Variants in SP100 observed in about 807,000 individuals in gnomAD.
The protein encoded by SP100 is nuclear autoantigen Sp-100.
In SP100, 84 loss-of-function variants were observed where a neutral mutation model predicts 130.0. The ratio of observed to expected loss-of-function variants is 0.65; its 90% CI spans 0.54 to 0.77. The LOEUF is 0.77. Ranked by LOEUF, SP100 falls within the 30% of genes least tolerant of loss-of-function variation. The pLI, the probability that SP100 is intolerant of heterozygous loss-of-function variation, is 0.00. For missense variants in SP100, 978 were observed against 1,052.2 expected, an observed-to-expected ratio of 0.93 and a Z score of 0.97; for synonymous variants, 331 against 351.7, an observed-to-expected ratio of 0.94 and a Z score of 0.66.
intron 24 of SP100, among the ~76,000 whole-genome samples, chr2:230,528,591 A>G (rs1340100600): frequency 6.6e-6 from 1 of 152,236 alleles, no homozygotes; most frequent in African/African-American, 2.4e-5. Flanking sequence ...GCAGAACTGA[A>G]GGAGATAGAG....
intron 9 of SP100, among the ~76,000 whole-genome samples, chr2:230,462,137 GC>G (rs1187918062): frequency 6.6e-6 from 1 of 151,996 alleles, no homozygotes; most frequent in Non-Finnish European, 1.5e-5. Flanking sequence ...AGGGGAGATG[GC>G]AGAACAAAGA....
chr2:230,425,698 T>C (rs2062908221), intron 2 of SP100, among the ~76,000 whole-genome samples: 3 of 149,960 alleles, frequency 2.0e-5, no homozygotes, highest in Admixed American at 1.3e-4. Context: ...TATGTATATC[T>C]GGAGAAATGG....
rs1270173131 is a variant in SP100 at position 230,539,396 on chromosome 2, G to A, written c.2210+14G>A. ...GGAAGCTAACAAGTGAGTAAGACAT[G>A]TCCCCTTCCCTGAGCCCTTCCTTCT... is the stretch of plus-strand genomic sequence containing the variant. On this transcript the variant is annotated intron_variant, in intron 25 of 28. Coordinates refer to ENST00000340126, the MANE Select transcript of SP100 (RefSeq NM_001080391.2). 1.3e-6 allele frequency: 2 copies of A among 1,574,070 alleles called. No homozygotes were observed. The highest frequency in any genetic ancestry group is 1.3e-5 in the African/African-American group (1 of 74,094).
At position 230,446,781 on chromosome 2, in the gene SP100, T is replaced by C. The variant is rs1216386021; in HGVS notation, c.440-38T>C. 3 of 1,290,168 alleles carry C rather than the reference T, an allele frequency of 2.3e-6. No homozygotes were observed. The Admixed American group carries it at 5.3e-5, about 23-fold the overall frequency. 79.9% of individuals were successfully genotyped at this position (1,290,168 alleles called of 1,614,324 possible). On this transcript the variant is annotated intron_variant, in intron 4 of 28. Coordinates refer to ENST00000340126, the MANE Select transcript of SP100 (RefSeq NM_001080391.2). ...TTCCAGACATTGTCCCTGGTCCCTG[T>C]AGATCTCTAATTGCTTCTTCTCTCT...
At position 230,541,281 on chromosome 2, in the gene SP100, A is replaced by C. The variant is rs1345288401; in HGVS notation, c.2332-20A>C. 1 of 1,610,028 alleles carries C rather than the reference A, an allele frequency of 6.2e-7. No individual in the cohort carries two copies. Among genetic ancestry groups the C allele is most frequent in the African/African-American group, 1.3e-5 (1 of 74,874 alleles). On this transcript the variant is annotated intron_variant, in intron 26 of 28. Coordinates refer to ENST00000340126, the MANE Select transcript of SP100 (RefSeq NM_001080391.2). The stretch of plus-strand genomic sequence containing the variant: ...CTCTCTAAATTGCATTTAATTTGAA[A>C]TGGCCTCCATCTTTTGCAGAAATGT...
chr2:230,542,742 G>A, intron 28 of SP100, 94 bp from the exon 29 acceptor site: 2 of 657,536 alleles, frequency 3.0e-6, no homozygotes, highest in Non-Finnish European at 2.7e-6. Context: ...TTAACATTTG[G>A]GATAACCTAA....
rs766236977 is a variant in SP100, at chr2:230,449,109, G to C, written c.545G>C (p.Arg182Pro). 6.2e-7 allele frequency: 1 copy of C among 1,611,802 alleles called. No individual in the cohort carries two copies. The highest frequency in any genetic ancestry group is 1.7e-5 in the Admixed American group (1 of 60,022). The change falls in exon 6 of 29, where the codon CGA becomes CCA. Residue 182 changes from arginine (R) to proline (P), a missense_variant. Coordinates refer to ENST00000340126, the MANE Select transcript of SP100 (RefSeq NM_001080391.2). ...CCAGGAACTGGTGAAAACTCTTTTCGAAGCCTGACTTGGCCACCTTCGGGT... is the reference window on the plus strand; with the variant it reads ...CCAGGAACTGGTGAAAACTCTTTTCCAAGCCTGACTTGGCCACCTTCGGGT... ...LEQGTGENSF[R>P]SLTWPPSGSP...
At chr2:230,472,622 C>A (rs1481779598) in intron 15 of SP100, among the ~76,000 whole-genome samples, 2 of 151,316 alleles carry the variant, frequency 1.3e-5, no homozygotes, top group African/African-American at 2.4e-5. Context: ...TTAGGTACAA[C>A]AAGAAGTATG....
chr2:230,496,295 T>C lies in SP100; in HGVS notation c.1645+1835T>C, dbSNP rs559731983. 5.3e-5 allele frequency among the ~76,000 whole-genome samples: 8 copies of C among 152,376 alleles called. No homozygotes were observed. The South Asian group carries it at 6.2e-4, about 12-fold the overall frequency. ...AAGTCTTAGGTAAGCCCTAGAGCTA[T>C]GCTAGTCCCTTTTAGCGGTAATATC... On this transcript the variant is annotated intron_variant, in intron 18 of 28. Transcript: ENST00000340126.
chr2:230,508,826 A>C (rs1301915781), intron 23 of SP100: 1 of 152,074 alleles, frequency 6.6e-6, no homozygotes, highest in East Asian at 1.9e-4. Flanking sequence ...CTAATGGAGA[A>C]TTCCCCCTAA....
intron 24 of SP100, among the ~76,000 whole-genome samples, chr2:230,526,617 G>T (rs538053426): frequency 6.6e-6 from 1 of 152,144 alleles, no homozygotes; most frequent in Non-Finnish European, 1.5e-5. Context: ...AAACTTCTCC[G>T]AGCTAAAAGG....
chr2:230,503,418 A>G (rs1326216574), intron 20 of SP100, among the ~76,000 whole-genome samples: 9 of 152,250 alleles, frequency 5.9e-5, no homozygotes. Flanking sequence ...CTTTCGTATA[A>G]TCAAATCAGA....
intron 24 of SP100, chr2:230,538,910 T>C: frequency 5.7e-6 from 1 of 175,106 alleles, no homozygotes; most frequent in Non-Finnish European, 1.2e-5. Flanking sequence ...AAATCACCCT[T>C]TGGCAAGTCA....
chr2:230,469,504 C>T, intron 14 of SP100: 3 of 460,020 alleles, frequency 6.5e-6, no homozygotes, highest in Non-Finnish European at 1.3e-5. Flanking sequence ...ACAACGTTGT[C>T]CTAGGATTGT....
intron 2 of SP100, among the ~76,000 whole-genome samples, chr2:230,429,945 T>C (rs567963902): frequency 1.2e-4 from 19 of 152,332 alleles, no homozygotes; most frequent in African/African-American, 4.3e-4. Context: ...TATATGTCAG[T>C]AAGTTCACAG....
chr2:230,467,216 G>T lies in SP100; in HGVS notation c.1291+1G>T. ...CTGAGAAGCAAGCATGGTGAGAAGG[G>T]TAAGAACAGCTCCCTTGACTTCAGG... On this transcript the variant is annotated splice_donor_variant, in intron 13 of 28. Transcript: ENST00000340126. LOFTEE classifies it high-confidence loss of function. The T allele has an allele frequency of 6.2e-7, 1 of 1,608,920 alleles. No individual in the cohort carries two copies. Among genetic ancestry groups the T allele is most frequent in the Non-Finnish European group, 8.5e-7 (1 of 1,175,298 alleles).
chr2:230,495,616 T>C (rs1450977334), intron 18 of SP100, among the ~76,000 whole-genome samples: 1 of 152,158 alleles, frequency 6.6e-6, no homozygotes, highest in East Asian at 1.9e-4. Context: ...CCAAACTCAA[T>C]CAGAGCATAT....
chr2:230,509,788 A>G (rs1317537498), intron 23 of SP100: 2 of 152,244 alleles, frequency 1.3e-5, no homozygotes, highest in Non-Finnish European at 2.9e-5. Flanking sequence ...AATAAGTCAT[A>G]AAAGTCCAAG....
At chr2:230,433,592 A>G (rs996259491) in intron 2 of SP100, among the ~76,000 whole-genome samples, 4 of 152,130 alleles carry the variant, frequency 2.6e-5, no homozygotes, top group Non-Finnish European at 1.5e-5. Context: ...GAGAATTACC[A>G]TGTTAAACAT....
Sources: gnomAD v4.1 joint callset for allele counts (sites outside exome capture counted in the v4.1 genomes callset) on GRCh38, gnomAD v4.1.1 for gene constraint, MANE v1.5 for transcripts, NCBI Gene and HGNC (gene_info 2026-07-23, HGNC 2026-07-21) for gene names.